CHN2: variants seen among roughly 807,000 people sequenced by gnomAD.
The protein encoded by CHN2 is beta-chimaerin.
Under a neutral mutation model 56.3 loss-of-function variants are expected in CHN2, and 35 were observed. The ratio of observed to expected loss-of-function variants is 0.62; its 90% confidence interval spans 0.47 to 0.82. CHN2 has a LOEUF of 0.82. Ranked by LOEUF, CHN2 falls within the 40% of genes least tolerant of loss-of-function variation. The pLI, the probability that CHN2 is intolerant of heterozygous loss-of-function variation, is 0.00. For synonymous variants in CHN2, 210 were observed against 212.8 expected, an observed-to-expected ratio of 0.99 and a Z score of 0.12; for missense variants, 491 against 580.5, an observed-to-expected ratio of 0.85 and a Z score of 1.58.
intron 6 of CHN2, among the ~76,000 whole-genome samples, chr7:29,438,630 T>C (rs796782254): frequency 6.6e-6 from 1 of 152,204 alleles, no homozygotes; most frequent in Admixed American, 6.5e-5. Flanking sequence ...TTTGCACTCA[T>C]ATTAAGATGG....
intron 1 of CHN2, among the ~76,000 whole-genome samples, chr7:29,348,922 T>G (rs1340905598): frequency 6.6e-6 from 1 of 152,200 alleles, no homozygotes; most frequent in Non-Finnish European, 1.5e-5. Flanking sequence ...ATTGGGTTTA[T>G]TGCCTCCTTG....
intron 6 of CHN2, among the ~76,000 whole-genome samples, chr7:29,460,346 C>A (rs1208623835): frequency 6.6e-6 from 1 of 152,034 alleles, no homozygotes; most frequent in African/African-American, 2.4e-5. Context: ...CAAATTCAGA[C>A]CCATCCAACA....
chr7:29,199,831 C>G (rs1315354995), intron 1 of CHN2: 1 of 152,134 alleles, frequency 6.6e-6, no homozygotes, highest in Non-Finnish European at 1.5e-5. Context: ...CCCCACTGAC[C>G]CCATGAAGTG....
intron 1 of CHN2, among the ~76,000 whole-genome samples, chr7:29,347,619 A>G (rs1797557836): frequency 6.6e-6 from 1 of 152,110 alleles, no homozygotes; most frequent in Non-Finnish European, 1.5e-5. Context: ...CCATGATCCA[A>G]TCACCTCCTA....
chr7:29,352,884 T>G (rs1197495303), intron 1 of CHN2, among the ~76,000 whole-genome samples: 2 of 152,234 alleles, frequency 1.3e-5, no homozygotes, highest in African/African-American at 4.8e-5. Context: ...CTAATACTCA[T>G]GTTAACCCAT....
At chr7:29,484,016 T>C (rs1373601504) in intron 7 of CHN2, 10 of 584,084 alleles carry the variant, frequency 1.7e-5, no homozygotes, top group South Asian at 1.5e-4. Flanking sequence ...ATTATCTTTT[T>C]GTGCCTCTCA....
chr7:29,391,374 G>GGAGGA (rs1801355612), intron 3 of CHN2, among the ~76,000 whole-genome samples: 3 of 131,766 alleles, frequency 2.3e-5, no homozygotes, highest in Non-Finnish European at 4.8e-5. Context: ...GGAAGGGAGG[G>GGAGGA]TAGAAGGGAG....
At chr7:29,285,031 G>T (rs1274632591) in intron 1 of CHN2, among the ~76,000 whole-genome samples, 1 of 152,222 alleles carries the variant, frequency 6.6e-6, no homozygotes, top group Non-Finnish European at 1.5e-5. Flanking sequence ...TGTGCAAGCA[G>T]ACTGGGGGAG....
chr7:29,195,595 CGAGAGAGA>C lies in CHN2; in HGVS notation c.49+633_49+640del, dbSNP rs757764659. On this transcript the variant is annotated intron_variant, in intron 1 of 12. Transcript: ENST00000222792. ...CATCCTCTGACTCTTGGCACATTTACGAGAGAGAGAGAGAGAGAGAGAGAGAGAGAGAG... is the reference window on the plus strand; with the variant it reads ...CATCCTCTGACTCTTGGCACATTTACGAGAGAGAGAGAGAGAGAGAGAGAG... 2.2e-3 allele frequency: 208 copies of C among 96,124 alleles called. 1 individual carries two copies. The highest frequency in any genetic ancestry group is 6.4e-3 in the African/African-American group (137 of 21,250). 6.0% of individuals were successfully genotyped at this position (96,124 alleles called of 1,614,324 possible).
intron 3 of CHN2, among the ~76,000 whole-genome samples, chr7:29,382,719 A>G (rs1800613225): frequency 6.7e-6 from 1 of 150,340 alleles, no homozygotes; most frequent in Admixed American, 6.6e-5. Context: ...GCCTTTTATA[A>G]AGTTCAGAGG....
chr7:29,399,427 C>G (rs1037770543), intron 5 of CHN2, among the ~76,000 whole-genome samples: 1 of 152,208 alleles, frequency 6.6e-6, no homozygotes, highest in Non-Finnish European at 1.5e-5. Flanking sequence ...GTAGAACAGG[C>G]TCTACTGAGC....
At chr7:29,246,920 A>G (rs993522102) in intron 1 of CHN2, among the ~76,000 whole-genome samples, 8 of 152,174 alleles carry the variant, frequency 5.3e-5, no homozygotes, top group Admixed American at 2.0e-4. Context: ...TCCTAGTACT[A>G]TTACCTTGGG....
chr7:29,321,100 T>C (rs2128894202), intron 1 of CHN2, among the ~76,000 whole-genome samples: 1 of 152,330 alleles, frequency 6.6e-6, no homozygotes, highest in South Asian at 2.1e-4. Flanking sequence ...TTGTTAGCAG[T>C]TCTGGTTGCA....
At chr7:29,350,614 C>G (rs548664665) in intron 1 of CHN2, among the ~76,000 whole-genome samples, 2 of 152,062 alleles carry the variant, frequency 1.3e-5, no homozygotes, top group Non-Finnish European at 2.9e-5. Flanking sequence ...ATGACAGGCT[C>G]CAGATCTGGG....
chr7:29,457,834 C>T (rs1439567801), intron 6 of CHN2, among the ~76,000 whole-genome samples: 2 of 152,168 alleles, frequency 1.3e-5, no homozygotes, highest in African/African-American at 2.4e-5. Context: ...GATGCCCTGA[C>T]GTTGATGAAT....
At chr7:29,271,162 C>T (rs1790602302) in intron 1 of CHN2, among the ~76,000 whole-genome samples, 2 of 152,054 alleles carry the variant, frequency 1.3e-5, no homozygotes, top group South Asian at 4.1e-4. Flanking sequence ...TCACCAACTC[C>T]CTCTTTTAGT....
At chr7:29,507,062 A>T (rs1334579570) in intron 10 of CHN2, among the ~76,000 whole-genome samples, 166 bp from the exon 11 acceptor site, 1 of 151,538 alleles carries the variant, frequency 6.6e-6, no homozygotes, top group African/African-American at 2.4e-5. Context: ...CTCTCACCAA[A>T]CTCCTTTCTG....
chr7:29,238,155 C>T (rs1452900997), intron 1 of CHN2, among the ~76,000 whole-genome samples: 1 of 151,328 alleles, frequency 6.6e-6, no homozygotes, highest in Non-Finnish European at 1.5e-5. Context: ...GTAGCTGGGA[C>T]TACAGGCGTG....
intron 10 of CHN2, 81 bp from the exon 11 acceptor site, chr7:29,507,147 A>ATTTTT: frequency 1.0e-6 from 1 of 1,004,024 alleles, no homozygotes; most frequent in Non-Finnish European, 1.4e-6. Context: ...TCATCGCTGG[A>ATTTTT]TTTTTTTTTT....
Sources: allele counts gnomAD v4.1 joint callset (sites outside exome capture counted in the v4.1 genomes callset), GRCh38; gene constraint gnomAD v4.1.1; transcripts MANE v1.5; gene names NCBI Gene and HGNC (gene_info 2026-07-23, HGNC 2026-07-21).